Variants in NRG3 observed in about 807,000 individuals in gnomAD.
NRG3 encodes pro-neuregulin-3, membrane-bound isoform.
NRG3 carries 31 observed loss-of-function variants against 66.9 expected under a neutral mutation model. That is an observed-to-expected ratio of 0.46 (90% CI 0.35 to 0.63). NRG3 has a LOEUF of 0.63. Ranked by LOEUF, NRG3 falls within the 20% of genes least tolerant of loss-of-function variation. The probability of loss-of-function intolerance (pLI) is 0.00; values close to 1 mark genes in which losing one functional copy is unlikely to be tolerated. For synonymous variants in NRG3, 393 were observed against 359.4 expected, an observed-to-expected ratio of 1.09 and a Z score of -1.06; for missense variants, 910 against 878.9, an observed-to-expected ratio of 1.04 and a Z score of -0.45.
Position 82,109,567 on chromosome 10 carries a change from GTGTGTGTGTGTATA to G in NRG3, c.823+233406_823+233419del, listed in dbSNP as rs1165767422. ...TGTGTGTGTGTGTGTGTGTGTGTGT[GTGTGTGTGTGTATA>G]TATATATTTTCAGATCAAATTGATT... On this transcript the variant is annotated intron_variant, in intron 1 of 8. Coordinates refer to ENST00000372141, the MANE Select transcript of NRG3 (RefSeq NM_001010848.4). 4.5e-3 allele frequency among the ~76,000 whole-genome samples: 611 copies of G among 135,770 alleles called. 7 individuals are homozygous for G. Among genetic ancestry groups the G allele is most frequent in the African/African-American group, 0.017 (586 of 33,656 alleles). The allele number at this position is 135,770 out of a possible 152,430, so 89.1% of individuals were successfully genotyped here. A position where few individuals can be genotyped will look rare whatever the true frequency, so the allele number is the denominator to read the frequency against.
chr10:81,913,779 C>T lies in NRG3; in HGVS notation c.823+37616C>T, dbSNP rs190346748. Among the ~76,000 whole-genome samples the T allele has an allele frequency of 7.2e-3, 1,100 of 152,238 alleles. 16 individuals are homozygous for T. Among genetic ancestry groups the T allele is most frequent in the African/African-American group, 0.025 (1,047 of 41,542 alleles). Reference sequence around the variant, plus strand: ...TCCACGTGGAATGTCTGATAAATAACGAAAGCCACCGTGAATCACAGCCTT... The same window carrying T: ...TCCACGTGGAATGTCTGATAAATAATGAAAGCCACCGTGAATCACAGCCTT... On this transcript the variant is annotated intron_variant, in intron 1 of 8. Transcript: ENST00000372141.
intron 1 of NRG3, among the ~76,000 whole-genome samples, chr10:82,186,767 A>T (rs1473610818): frequency 6.6e-6 from 1 of 152,196 alleles, no homozygotes; most frequent in Non-Finnish European, 1.5e-5. Context: ...CACCTTATGT[A>T]TCTGTATACA....
chr10:81,990,412 G>C (rs1446761635), intron 1 of NRG3, among the ~76,000 whole-genome samples: 2 of 152,112 alleles, frequency 1.3e-5, no homozygotes, highest in East Asian at 3.9e-4. Flanking sequence ...TTTTATGTGA[G>C]AAAACTGGTT....
chr10:82,336,596 C>A (rs2082402019), intron 1 of NRG3, among the ~76,000 whole-genome samples: 1 of 149,296 alleles, frequency 6.7e-6, no homozygotes. Context: ...AGTCTTGGGT[C>A]ACTGCAACTT....
At chr10:82,150,292 G>C (rs1252368632) in intron 1 of NRG3, among the ~76,000 whole-genome samples, 1 of 152,050 alleles carries the variant, frequency 6.6e-6, no homozygotes, top group Non-Finnish European at 1.5e-5. Flanking sequence ...TTGCAAACAT[G>C]TCAGTGTACC....
In NRG3 at chr10:82,138,293, C is replaced by T. The variant is rs190325628; in HGVS notation, c.824-220446C>T. 2.2e-3 allele frequency among the ~76,000 whole-genome samples: 336 copies of T among 152,110 alleles called. 2 individuals are homozygous for T. The highest frequency in any genetic ancestry group is 7.5e-3 in the African/African-American group (310 of 41,506). On this transcript the variant is annotated intron_variant, in intron 1 of 8. Coordinates refer to ENST00000372141, the MANE Select transcript of NRG3 (RefSeq NM_001010848.4). ...GGAAAAATATGTCTTTAGAAAAGTA[C>T]AAAATGCCCAAAGGTAGGATACATT... is the stretch of plus-strand genomic sequence containing the variant.
At chr10:82,290,637 GA>G (rs1175208544) in intron 1 of NRG3, among the ~76,000 whole-genome samples, 2 of 112,482 alleles carry the variant, frequency 1.8e-5, no homozygotes, top group Non-Finnish European at 3.4e-5. Context: ...GACTTCAAAT[GA>G]TTTTTTTTTT....
At chr10:82,208,225 G>T (rs1417133833) in intron 1 of NRG3, among the ~76,000 whole-genome samples, 1 of 152,086 alleles carries the variant, frequency 6.6e-6, no homozygotes, top group African/African-American at 2.4e-5. Flanking sequence ...AAGCCTTTCT[G>T]GACTCAGTTT....
intron 1 of NRG3, among the ~76,000 whole-genome samples, chr10:82,163,534 G>A (rs2071775433): frequency 6.6e-6 from 1 of 152,190 alleles, no homozygotes; most frequent in Non-Finnish European, 1.5e-5. Context: ...CATTACATCA[G>A]TAGGTGAATG....
intron 3 of NRG3, among the ~76,000 whole-genome samples, chr10:82,743,131 T>C (rs1256670564): frequency 2.0e-5 from 3 of 152,072 alleles, no homozygotes; most frequent in African/African-American, 7.2e-5. Context: ...CCTGTCAGAA[T>C]CCAGTACTTA....
intron 6 of NRG3, 118 bp from the exon 7 acceptor site, chr10:82,973,670 C>A: frequency 9.3e-7 from 1 of 1,078,028 alleles, no homozygotes; most frequent in Non-Finnish European, 1.4e-6. Context: ...TCCTGCTCCT[C>A]TAGTCAGGTG....
intron 1 of NRG3, among the ~76,000 whole-genome samples, chr10:82,035,246 C>G (rs1031007344): frequency 1.3e-5 from 2 of 152,224 alleles, no homozygotes; most frequent in Middle Eastern, 3.4e-3. Flanking sequence ...GAGGATTGAA[C>G]AGATGTGTGT....
At chr10:82,631,320 G>A (rs12267278) in intron 2 of NRG3, among the ~76,000 whole-genome samples, 4,269 of 152,132 alleles carry the variant, frequency 0.028, 203 homozygotes, top group African/African-American at 0.096. Context: ...CATGACTTCT[G>A]CTAAAAACAA....
intron 1 of NRG3, among the ~76,000 whole-genome samples, chr10:82,098,710 C>T (rs2066532740): frequency 6.6e-6 from 1 of 152,092 alleles, no homozygotes; most frequent in Admixed American, 6.6e-5. Context: ...ATGTGATTTG[C>T]AAGTATTTTT....
chr10:82,788,609 A>G (rs2135351163), intron 3 of NRG3, among the ~76,000 whole-genome samples: 1 of 152,176 alleles, frequency 6.6e-6, no homozygotes, highest in African/African-American at 2.4e-5. Context: ...TGAAAAGAGA[A>G]TAAACTATCT....
chr10:82,290,065 T>C (rs756506986), intron 1 of NRG3, among the ~76,000 whole-genome samples: 4 of 152,234 alleles, frequency 2.6e-5, no homozygotes, highest in Admixed American at 6.5e-5. Context: ...TTAATCTCTC[T>C]AACTACAAAC....
chr10:82,874,673 C>T (rs147792539), intron 4 of NRG3, among the ~76,000 whole-genome samples: 17 of 152,238 alleles, frequency 1.1e-4, no homozygotes, highest in Non-Finnish European at 1.6e-4. Context: ...GAAGTAGTAA[C>T]TATTTATATC....
In NRG3 at chr10:82,985,116, A is replaced by T; in HGVS notation, c.1602A>T (p.Leu534Phe). ...TTTTCAGGTATTCATCCAGTGGTTT[A>T]AAAACCCAACGAAATACATCAATAA... ...IPCQGYSSSG[L>F]KTQRNTSINM... Residue 534 changes from leucine to phenylalanine, a missense_variant, in exon 9 of 9, where the codon TTA becomes TTT. Transcript: ENST00000372141. The T allele has an allele frequency of 6.2e-7, 1 of 1,613,710 alleles. No individual in the cohort carries two copies. The highest frequency in any genetic ancestry group is 8.5e-7 in the Non-Finnish European group (1 of 1,179,848).
chr10:82,569,185 C>A (rs1035987407), intron 2 of NRG3, among the ~76,000 whole-genome samples: 1 of 151,600 alleles, frequency 6.6e-6, no homozygotes, highest in Non-Finnish European at 1.5e-5. Context: ...CTTGTGAGTA[C>A]CTTACTCATA....
Sources: allele counts gnomAD v4.1 joint callset (sites outside exome capture counted in the v4.1 genomes callset), GRCh38; gene constraint gnomAD v4.1.1; transcripts MANE v1.5; gene names NCBI Gene and HGNC (gene_info 2026-07-23, HGNC 2026-07-21).